LRRC37A2: variants seen among roughly 807,000 people sequenced by gnomAD.
LRRC37A2 encodes the protein leucine rich repeat containing 37 member A2.
Under a neutral mutation model 68.8 loss-of-function variants are expected in LRRC37A2, and 9 were observed. The ratio of observed to expected loss-of-function variants is 0.13; its 90% CI spans 0.08 to 0.23. The LOEUF (loss-of-function observed/expected upper bound fraction) is 0.23, where lower values mean the gene tolerates loss of function less well. LRRC37A2 is among the 10% of genes least tolerant of loss of function. The probability of loss-of-function intolerance (pLI) is 1.00; values close to 1 mark genes in which losing one functional copy is unlikely to be tolerated. For missense variants in LRRC37A2, 168 were observed against 950.4 expected (o/e 0.18, Z 10.82); for synonymous variants, 63 against 367.6 (o/e 0.17, Z 9.48).
the LRRC37A2 span, chr17:46,978,990 C>G: frequency 1.4e-6 from 2 of 1,431,234 alleles, no homozygotes; most frequent in Non-Finnish European, 1.8e-6. Context: ...CGCTGTGGTT[C>G]AGGAAGGTCG....
At chr17:46,727,389 T>G in the LRRC37A2 span, among the ~76,000 whole-genome samples, 4 of 152,146 alleles carry the variant, frequency 2.6e-5, no homozygotes, top group African/African-American at 7.2e-5. Flanking sequence ...GGTAATACAC[T>G]CTATTGAAAT....
chr17:46,493,241 G>T, the LRRC37A2 span, among the ~76,000 whole-genome samples: 3 of 132,518 alleles, frequency 2.3e-5, no homozygotes, highest in South Asian at 6.9e-4. Context: ...CACTGCAGCC[G>T]CCACCTTCTG....
the LRRC37A2 span, among the ~76,000 whole-genome samples, chr17:46,829,801 TG>T: frequency 1.5e-5 from 1 of 68,378 alleles, no homozygotes; most frequent in East Asian, 3.5e-4. Context: ...TGTGGTGGGG[TG>T]GGGGGAGCAT....
chr17:46,882,985 A>AT, the LRRC37A2 span, among the ~76,000 whole-genome samples: 75 of 144,674 alleles, frequency 5.2e-4, no homozygotes, highest in South Asian at 1.3e-3. Context: ...CATGATCCCC[A>AT]TTTTTTTTTT....
At chr17:46,776,077 G>A in the LRRC37A2 span, among the ~76,000 whole-genome samples, 3 of 152,226 alleles carry the variant, frequency 2.0e-5, no homozygotes, top group Non-Finnish European at 2.9e-5. Context: ...TAGCCTTGCA[G>A]GTTGATGAAG....
At chr17:46,877,000 A>G in the LRRC37A2 span, 1 of 1,249,084 alleles carries the variant, frequency 8.0e-7, no homozygotes, top group Non-Finnish European at 1.0e-6. Flanking sequence ...GGAGGGAAAT[A>G]AGGGAGACCA....
At chr17:46,722,502 A>G in the LRRC37A2 span, among the ~76,000 whole-genome samples, 2 of 152,118 alleles carry the variant, frequency 1.3e-5, no homozygotes, top group African/African-American at 2.4e-5. Flanking sequence ...TTATCTACCT[A>G]AAGTTGTGGT....
the LRRC37A2 span, among the ~76,000 whole-genome samples, chr17:46,710,591 G>A: frequency 2.6e-5 from 4 of 152,112 alleles, no homozygotes; most frequent in African/African-American, 7.2e-5. Context: ...TGTCTATTGC[G>A]CTGTTTCTAA....
intron 2 of LRRC37A2, among the ~76,000 whole-genome samples, chr17:46,515,998 C>T (rs1428683910): frequency 5.0e-4 from 59 of 118,046 alleles, no homozygotes; most frequent in African/African-American, 1.8e-3. Flanking sequence ...CTCCAGAACA[C>T]GAAAATGATA....
the LRRC37A2 span, among the ~76,000 whole-genome samples, chr17:46,657,970 A>ACT: frequency 6.7e-5 from 1 of 14,894 alleles, no homozygotes; most frequent in Non-Finnish European, 1.4e-4. Flanking sequence ...TATTTTATTT[A>ACT]TTTTTTTTTT....
intron 6 of LRRC37A2, among the ~76,000 whole-genome samples, chr17:46,534,895 G>A (rs1325186822): frequency 3.3e-5 from 5 of 149,702 alleles, no homozygotes; most frequent in Admixed American, 6.6e-5. Flanking sequence ...AGACGGGGCG[G>A]CTGCTGGGCG....
downstream of LRRC37A2, among the ~76,000 whole-genome samples, chr17:46,558,587 C>A (rs1478117267): frequency 8.2e-6 from 1 of 121,428 alleles, no homozygotes; most frequent in Non-Finnish European, 1.7e-5. Flanking sequence ...AAAACAGTTT[C>A]ACCATGTTGG....
chr17:46,738,964 G>A, the LRRC37A2 span, among the ~76,000 whole-genome samples: 3 of 148,294 alleles, frequency 2.0e-5, no homozygotes, highest in Non-Finnish European at 3.0e-5. Context: ...GTCCAGGCAC[G>A]GTGGCTCACA....
the LRRC37A2 span, among the ~76,000 whole-genome samples, chr17:46,753,214 GTTA>G: frequency 6.6e-6 from 1 of 152,226 alleles, no homozygotes; most frequent in South Asian, 2.1e-4. Flanking sequence ...GGCATCATGT[GTTA>G]CTTACTGATG....
chr17:46,808,026 T>C, the LRRC37A2 span, among the ~76,000 whole-genome samples: 3 of 152,204 alleles, frequency 2.0e-5, no homozygotes, highest in African/African-American at 7.2e-5. Context: ...CCCAGCTGCT[T>C]TCTAGCACGT....
the LRRC37A2 span, among the ~76,000 whole-genome samples, chr17:46,987,984 C>G: frequency 6.6e-6 from 1 of 152,094 alleles, no homozygotes; most frequent in Non-Finnish European, 1.5e-5. Flanking sequence ...CCAGCCTGGC[C>G]AACACAGGGA....
the LRRC37A2 span, among the ~76,000 whole-genome samples, chr17:46,866,048 G>A: frequency 1.3e-5 from 2 of 152,210 alleles, no homozygotes; most frequent in Admixed American, 6.5e-5. Context: ...AGTAGCTTCC[G>A]AATTTGCCTG....
chr17:47,013,712 T>C, the LRRC37A2 span, among the ~76,000 whole-genome samples: 2 of 152,262 alleles, frequency 1.3e-5, no homozygotes, highest in African/African-American at 2.4e-5. Flanking sequence ...AGATTCTGAA[T>C]TGATCCTTGC....
At chr17:46,869,529 AC>A in the LRRC37A2 span, among the ~76,000 whole-genome samples, 2 of 152,320 alleles carry the variant, frequency 1.3e-5, no homozygotes, top group South Asian at 4.1e-4. Context: ...GAACAAACCA[AC>A]AAAAACCAGA....
Sources: allele counts gnomAD v4.1 joint callset (sites outside exome capture counted in the v4.1 genomes callset), GRCh38; gene constraint gnomAD v4.1.1; transcripts MANE v1.5; gene names NCBI Gene and HGNC (gene_info 2026-07-23, HGNC 2026-07-21).